Variants in DPYD observed in about 807,000 individuals in gnomAD.
DPYD encodes dihydropyrimidine dehydrogenase, also known as dihydropyrimidine dehydrogenase [NADP(+)].
DPYD carries 109 observed loss-of-function variants against 116.2 expected under a neutral mutation model. The observed-to-expected ratio is 0.94, with a 90% CI of 0.80 to 1.10. The LOEUF is 1.10. Ranked by LOEUF, DPYD falls within the 50% of genes least tolerant of loss-of-function variation. DPYD has a pLI of 0.00. For synonymous variants in DPYD, 440 were observed against 432.0 expected (o/e 1.02, Z -0.23); for missense variants, 1,302 against 1,254.5 (o/e 1.04, Z -0.57).
chr1:97,422,358 A>G (rs554700484), intron 14 of DPYD, among the ~76,000 whole-genome samples: 1 of 152,264 alleles, frequency 6.6e-6, no homozygotes, highest in African/African-American at 2.4e-5. Flanking sequence ...TGACTGGAGA[A>G]GCCTTCAGAG....
chr1:97,796,694 T>A (rs1192485598), intron 3 of DPYD, among the ~76,000 whole-genome samples: 2 of 152,016 alleles, frequency 1.3e-5, no homozygotes, highest in Non-Finnish European at 1.5e-5. Context: ...AGAACAAACA[T>A]CCAGGAGTAG....
intron 11 of DPYD, among the ~76,000 whole-genome samples, chr1:97,566,344 G>A (rs970445978): frequency 6.6e-6 from 1 of 152,068 alleles, no homozygotes; most frequent in Non-Finnish European, 1.5e-5. Context: ...GTGAAGTGAG[G>A]GGATTAGAAT....
chr1:97,088,568 C>A (rs576696629), intron 21 of DPYD, among the ~76,000 whole-genome samples: 27 of 152,286 alleles, frequency 1.8e-4, no homozygotes, highest in African/African-American at 6.3e-4. Flanking sequence ...GTCTCTGAGG[C>A]AGTCCCAGGG....
chr1:97,820,527 A>G (rs989826719), intron 3 of DPYD, among the ~76,000 whole-genome samples: 2 of 152,190 alleles, frequency 1.3e-5, no homozygotes, highest in East Asian at 1.9e-4. Context: ...CCAAGTTTAC[A>G]TGGCTATACT....
chr1:97,113,091 C>T (rs1156796564), intron 20 of DPYD, among the ~76,000 whole-genome samples: 1 of 152,126 alleles, frequency 6.6e-6, no homozygotes, highest in Non-Finnish European at 1.5e-5. Flanking sequence ...GTGGTCAAAG[C>T]CTTTTTAACA....
intron 3 of DPYD, among the ~76,000 whole-genome samples, chr1:97,764,533 T>A (rs1665743464): frequency 1.3e-5 from 2 of 152,030 alleles, no homozygotes; most frequent in Non-Finnish European, 2.9e-5. Flanking sequence ...AGCAAAAAAA[T>A]AAACTTTTAA....
intron 1 of DPYD, among the ~76,000 whole-genome samples, chr1:97,889,326 G>A (rs1672659281): frequency 6.6e-6 from 1 of 151,992 alleles, no homozygotes; most frequent in Admixed American, 6.6e-5. Flanking sequence ...AATGTATACT[G>A]TCAGACTAGA....
intron 19 of DPYD, among the ~76,000 whole-genome samples, chr1:97,214,095 C>T (rs546016527): frequency 9.6e-4 from 146 of 152,260 alleles, no homozygotes; most frequent in African/African-American, 3.4e-3. Flanking sequence ...CTTCTCCATG[C>T]TTAGGTCACT....
intron 10 of DPYD, among the ~76,000 whole-genome samples, chr1:97,578,345 T>A (rs1169480167): frequency 6.6e-6 from 1 of 152,136 alleles, no homozygotes; most frequent in African/African-American, 2.4e-5. Flanking sequence ...AGTATTTAGC[T>A]TCAAACCGAC....
chr1:97,757,006 T>G (rs930740530), intron 3 of DPYD, among the ~76,000 whole-genome samples: 3 of 152,176 alleles, frequency 2.0e-5, no homozygotes, highest in African/African-American at 7.2e-5. Context: ...TGTTATTTTT[T>G]TCTTATTCAT....
chr1:97,372,876 T>C (rs1671380114), intron 16 of DPYD, among the ~76,000 whole-genome samples: 1 of 152,198 alleles, frequency 6.6e-6, no homozygotes, highest in African/African-American at 2.4e-5. Context: ...ACCATTTCCT[T>C]CTGGGCTTAA....
chr1:97,152,516 G>A lies in DPYD; in HGVS notation c.2622+40553C>T, dbSNP rs188252824. 8.9e-4 allele frequency among the ~76,000 whole-genome samples: 134 copies of A among 150,718 alleles called. 1 individual carries two copies. Among genetic ancestry groups the A allele is most frequent in the Non-Finnish European group, 5.8e-4 (39 of 67,726 alleles). On this transcript the variant is annotated intron_variant, in intron 20 of 22. Transcript: ENST00000370192. The stretch of plus-strand genomic sequence containing the variant: ...ATATACACAAATACATGCAGATATA[G>A]TTAATATCTATAAATATATCTATTA...
chr1:97,310,085 C>T (rs892802314), intron 16 of DPYD, among the ~76,000 whole-genome samples: 3 of 151,742 alleles, frequency 2.0e-5, no homozygotes, highest in African/African-American at 4.8e-5. Context: ...AAACATTTCT[C>T]TCCCATTTAC....
chr1:97,263,346 G>T (rs1664016809), intron 18 of DPYD, among the ~76,000 whole-genome samples: 1 of 151,896 alleles, frequency 6.6e-6, no homozygotes, highest in African/African-American at 2.4e-5. Flanking sequence ...TTTTATCTGA[G>T]GTCTGAAATA....
At chr1:97,533,208 G>T (rs1263051123) in intron 12 of DPYD, among the ~76,000 whole-genome samples, 1 of 151,886 alleles carries the variant, frequency 6.6e-6, no homozygotes, top group Non-Finnish European at 1.5e-5. Flanking sequence ...TGGAGACACA[G>T]ATCTAAACCA....
At chr1:97,683,211 T>C (rs1391000293) in intron 7 of DPYD, among the ~76,000 whole-genome samples, 1 of 151,972 alleles carries the variant, frequency 6.6e-6, no homozygotes, top group Admixed American at 6.5e-5. Context: ...TGAAGAAATT[T>C]TGAAAGTATT....
At chr1:97,525,678 A>C (rs1648997291) in intron 12 of DPYD, among the ~76,000 whole-genome samples, 1 of 151,794 alleles carries the variant, frequency 6.6e-6, no homozygotes, top group Non-Finnish European at 1.5e-5. Context: ...GTGGCATTGA[A>C]GCTCTGGAAG....
intron 22 of DPYD, 149 bp downstream of exon 22, chr1:97,082,181 G>T: frequency 1.1e-6 from 1 of 937,338 alleles, no homozygotes. Context: ...ATATTATAAG[G>T]GTGACAGGAC....
At chr1:97,845,205 G>A (rs1450431509) in intron 2 of DPYD, among the ~76,000 whole-genome samples, 1 of 152,214 alleles carries the variant, frequency 6.6e-6, no homozygotes, top group Admixed American at 6.5e-5. Flanking sequence ...AAGCATGAGG[G>A]CTGGACTGTC....
Sources: allele counts gnomAD v4.1 joint callset (sites outside exome capture counted in the v4.1 genomes callset), GRCh38; gene constraint gnomAD v4.1.1; transcripts MANE v1.5; gene names NCBI Gene and HGNC (gene_info 2026-07-23, HGNC 2026-07-21).